The following ANO1 variants were observed in gnomAD, a reference collection of about 807,000 sequenced individuals.
The protein encoded by ANO1 is anoctamin-1.
ANO1 carries 59 observed loss-of-function variants against 124.0 expected under a neutral mutation model. That is an observed-to-expected ratio of 0.48 (90% confidence interval 0.39 to 0.59). The LOEUF (loss-of-function observed/expected upper bound fraction) is 0.59, where lower values mean the gene tolerates loss of function less well. Ranked by LOEUF, ANO1 falls within the 20% of genes least tolerant of loss-of-function variation. The pLI, the probability that ANO1 is intolerant of heterozygous loss-of-function variation, is 0.00. For missense variants in ANO1, 1,059 were observed against 1,328.0 expected, an observed-to-expected ratio of 0.80 and a Z score of 3.15; for synonymous variants, 529 against 532.0, an observed-to-expected ratio of 0.99 and a Z score of 0.08.
Position 70,038,798 on chromosome 11 carries a change from G to A in ANO1, c.59-39744G>A, listed in dbSNP as rs551435045. On this transcript the variant is annotated intron_variant, in intron 1 of 27. Transcript: ENST00000531349. Reference sequence around the variant, plus strand: ...GAGCCAAGGTAGGAAAAACCTCAGAGGAGCAGTAAAGTACTTCCTTGATGG... The same window carrying A: ...GAGCCAAGGTAGGAAAAACCTCAGAAGAGCAGTAAAGTACTTCCTTGATGG... 1.9e-3 allele frequency among the ~76,000 whole-genome samples: 285 copies of A among 152,308 alleles called. 1 individual carries two copies. Among genetic ancestry groups the A allele is most frequent in the African/African-American group, 6.7e-3 (279 of 41,562 alleles).
chr11:70,113,896 G>A (rs75694345), intron 7 of ANO1, among the ~76,000 whole-genome samples: 3,611 of 152,132 alleles, frequency 0.024, 65 homozygotes, highest in Non-Finnish European at 0.029. Context: ...GCCAAAAGCC[G>A]TCCCTAGTGA....
intron 1 of ANO1, among the ~76,000 whole-genome samples, chr11:70,006,934 T>C (rs1421693292): frequency 6.6e-6 from 1 of 152,108 alleles, no homozygotes; most frequent in Non-Finnish European, 1.5e-5. Context: ...CCTCCCAAAG[T>C]GCTGGGATGA....
intron 1 of ANO1, among the ~76,000 whole-genome samples, chr11:70,022,983 G>C (rs1162687341): frequency 2.6e-5 from 4 of 152,200 alleles, no homozygotes; most frequent in African/African-American, 7.2e-5. Context: ...GCTTGAGATG[G>C]AGGCAGGGGC....
At chr11:70,128,901 C>T (rs1050298263) in intron 10 of ANO1, among the ~76,000 whole-genome samples, 1 of 152,240 alleles carries the variant, frequency 6.6e-6, no homozygotes, top group African/African-American at 2.4e-5. Flanking sequence ...GGCTCATGGG[C>T]AGGCCGTTGG....
At chr11:70,040,162 A>T (rs1489193202) in intron 1 of ANO1, among the ~76,000 whole-genome samples, 1 of 152,076 alleles carries the variant, frequency 6.6e-6, no homozygotes, top group East Asian at 1.9e-4. Flanking sequence ...CCTGCTCAAG[A>T]CCCACAATGG....
In ANO1 at chr11:70,136,851, C is replaced by T. The variant is rs2046973455; in HGVS notation, c.1258+4772C>T. On this transcript the variant is annotated intron_variant, in intron 11 of 25. Transcript: ENST00000355303. ...GTTTCTCTTCGTGGACAAAGGCGTT[C>T]GATTTTCCAGAGGAGGCCAAGAATG... Among the ~76,000 whole-genome samples, 2 of 147,578 alleles carry T rather than the reference C, an allele frequency of 1.4e-5. 1 individual carries two copies. Among genetic ancestry groups the T allele is most frequent in the South Asian group, 4.7e-4 (2 of 4,248 alleles).
intron 1 of ANO1, among the ~76,000 whole-genome samples, chr11:70,016,036 CT>C (rs1481855507): frequency 2.9e-5 from 4 of 137,836 alleles, no homozygotes; most frequent in Non-Finnish European, 4.8e-5. Context: ...TTTTTTTTTT[CT>C]TTTTTTTTGA....
At position 69,988,350 on chromosome 11, in the gene ANO1, C is replaced by T. The variant is rs559771406; in HGVS notation, c.58+2184C>T. Reference sequence around the variant, plus strand: ...TCCCAGGTCTCAATCCCAGCTTTGCCGCCTGCAGCCCTGTGCCCTCGGCCA... The same window carrying T: ...TCCCAGGTCTCAATCCCAGCTTTGCTGCCTGCAGCCCTGTGCCCTCGGCCA... On this transcript the variant is annotated intron_variant, in intron 1 of 27. Transcript: ENST00000531349. 6.6e-5 allele frequency among the ~76,000 whole-genome samples: 10 copies of T among 152,272 alleles called. No individual in the cohort carries two copies. In the East Asian group the frequency reaches 1.9e-3, roughly 29 times the overall value.
intron 22 of ANO1, among the ~76,000 whole-genome samples, chr11:70,176,007 A>G (rs2048678688): frequency 6.6e-6 from 1 of 152,144 alleles, no homozygotes; most frequent in East Asian, 1.9e-4. Flanking sequence ...TCCTGAGAAC[A>G]TGGGCCCAAG....
chr11:70,148,822 T>C (rs115436368), intron 11 of ANO1, among the ~76,000 whole-genome samples: 5,696 of 152,184 alleles, frequency 0.037, 387 homozygotes, highest in African/African-American at 0.13. Context: ...CTGCCTCACA[T>C]ACAAGTCACG....
At chr11:70,133,164 G>T (rs1313045437) in intron 11 of ANO1, among the ~76,000 whole-genome samples, 2 of 152,196 alleles carry the variant, frequency 1.3e-5, no homozygotes, top group Non-Finnish European at 2.9e-5. Context: ...CTGTGGGTAG[G>T]CAAGGGGCAA....
At chr11:70,136,499 G>GGAGA in intron 11 of ANO1, among the ~76,000 whole-genome samples, 1 of 118,592 alleles carries the variant, frequency 8.4e-6, no homozygotes, top group Non-Finnish European at 2.0e-5. Context: ...TCCTTTGGCC[G>GGAGA]ATTTCATGTT....
chr11:70,006,655 TC>T (rs1856493727), intron 1 of ANO1, among the ~76,000 whole-genome samples: 2 of 120,118 alleles, frequency 1.7e-5, no homozygotes, highest in Admixed American at 1.2e-4. Flanking sequence ...TTTCTTTCTT[TC>T]TTCTTTCTTT....
intron 1 of ANO1, among the ~76,000 whole-genome samples, chr11:70,073,211 C>T (rs1555009553): frequency 6.7e-6 from 1 of 150,060 alleles, no homozygotes; most frequent in Non-Finnish European, 1.5e-5. Context: ...TGCGGGGAGT[C>T]CGACCCTGTC....
chr11:70,120,697 G>A (rs779230713), intron 8 of ANO1, among the ~76,000 whole-genome samples: 33 of 152,298 alleles, frequency 2.2e-4, no homozygotes, highest in Non-Finnish European at 3.8e-4. Flanking sequence ...GAAGGGCAAC[G>A]GGCAAGGACA....
chr11:70,116,739 C>G (rs988476729), intron 8 of ANO1, among the ~76,000 whole-genome samples: 1 of 152,178 alleles, frequency 6.6e-6, no homozygotes, highest in Non-Finnish European at 1.5e-5. Flanking sequence ...GGCAGGTGAC[C>G]GTGAGCATGG....
intron 1 of ANO1, among the ~76,000 whole-genome samples, chr11:70,033,079 C>T (rs1257090797): frequency 6.6e-6 from 1 of 152,106 alleles, no homozygotes; most frequent in Non-Finnish European, 1.5e-5. Flanking sequence ...CTTGTGTCTC[C>T]AGCTCGATGG....
At chr11:70,065,632 T>C (rs1857698097) in intron 1 of ANO1, among the ~76,000 whole-genome samples, 1 of 150,906 alleles carries the variant, frequency 6.6e-6, no homozygotes. Context: ...TTGTCCCCCG[T>C]CGTCCCCCTA....
chr11:70,170,883 G>C lies in ANO1; in HGVS notation c.2198-4G>C. On this transcript the variant is annotated splice_polypyrimidine_tract_variant and splice_region_variant and intron_variant, in intron 21 of 25. Transcript: ENST00000355303. ...TGCTGACTAGCACTGGGCTCTCTCT[G>C]CAGTCATCCAGTTTGGCTTCGTCAC... 1.2e-6 allele frequency: 2 copies of C among 1,612,754 alleles called. No individual in the cohort carries two copies. The highest frequency in any genetic ancestry group is 1.7e-6 in the Non-Finnish European group (2 of 1,179,430).
Sources: allele counts gnomAD v4.1 joint callset (sites outside exome capture counted in the v4.1 genomes callset), GRCh38; gene constraint gnomAD v4.1.1; transcripts MANE v1.5; gene names NCBI Gene and HGNC (gene_info 2026-07-23, HGNC 2026-07-21).